RAB11FIP2: variants seen among roughly 807,000 people sequenced by gnomAD.
RAB11FIP2 encodes the protein rab11 family-interacting protein 2.
A neutral mutation model predicts 40.9 loss-of-function variants in RAB11FIP2; 16 were observed. That is an observed-to-expected ratio of 0.39 (90% CI 0.26 to 0.59). The LOEUF (loss-of-function observed/expected upper bound fraction) is 0.59. RAB11FIP2 is among the 20% of genes least tolerant of loss of function. The probability of loss-of-function intolerance (pLI) is 0.53; values close to 1 mark genes in which losing one functional copy is unlikely to be tolerated. For missense variants in RAB11FIP2, 532 were observed against 606.2 expected (o/e 0.88, Z 1.28); for synonymous variants, 228 against 213.7 (o/e 1.07, Z -0.58).
intron 1 of RAB11FIP2, among the ~76,000 whole-genome samples, chr10:118,041,380 G>A (rs1846556234): frequency 6.6e-6 from 1 of 151,874 alleles, no homozygotes; most frequent in South Asian, 2.1e-4. Context: ...TCCCTTCAAT[G>A]TATGGCACTA....
At chr10:118,035,133 AGAAG>A (rs1846465266) in intron 3 of RAB11FIP2, among the ~76,000 whole-genome samples, 1 of 152,146 alleles carries the variant, frequency 6.6e-6, no homozygotes, top group South Asian at 2.1e-4. Context: ...TGGCATCACA[AGAAG>A]GAAGAAGCCT....
intron 3 of RAB11FIP2, among the ~76,000 whole-genome samples, chr10:118,022,858 G>A (rs1037508633): frequency 3.9e-5 from 6 of 152,254 alleles, no homozygotes; most frequent in Admixed American, 3.3e-4. Flanking sequence ...AAAAACCGGG[G>A]TGAGTTGACT....
At chr10:118,025,273 T>C (rs974403591) in intron 3 of RAB11FIP2, among the ~76,000 whole-genome samples, 2 of 152,218 alleles carry the variant, frequency 1.3e-5, no homozygotes, top group Non-Finnish European at 1.5e-5. Context: ...AGTCAGCTTT[T>C]AAAAATGTTT....
In RAB11FIP2 at chr10:118,043,960, G is replaced by T. The variant is rs375060913; in HGVS notation, c.353+1851C>A. On this transcript the variant is annotated intron_variant, in intron 1 of 4. Coordinates refer to ENST00000355624, the MANE Select transcript of RAB11FIP2 (RefSeq NM_014904.3). Reference sequence around the variant, plus strand: ...GTCCCCATTTATCCACAAATAAAATGTTAAGGGTTTAGCAATATATGAAAA... The same window carrying T: ...GTCCCCATTTATCCACAAATAAAATTTTAAGGGTTTAGCAATATATGAAAA... 9.2e-5 allele frequency among the ~76,000 whole-genome samples: 14 copies of T among 152,262 alleles called. No homozygotes were observed. The South Asian group carries it at 1.5e-3, about 16-fold the overall frequency.
At chr10:118,021,651 T>C (rs558075528) in intron 3 of RAB11FIP2, among the ~76,000 whole-genome samples, 1 of 152,358 alleles carries the variant, frequency 6.6e-6, no homozygotes, top group South Asian at 2.1e-4. Flanking sequence ...ATTGCTTCTT[T>C]GACGAAGGTC....
chr10:118,015,064 C>T lies in RAB11FIP2; in HGVS notation c.1311+1G>A. 6.2e-7 allele frequency: 1 copy of T among 1,606,540 alleles called. No individual in the cohort carries two copies. Among genetic ancestry groups the T allele is most frequent in the Non-Finnish European group, 8.5e-7 (1 of 1,175,586 alleles). The stretch of plus-strand genomic sequence containing the variant: ...ACCCTCTAACCCCTTCAGCAACTTA[C>T]CGGGATTTTCCTGAGGTCTTCATTG... On this transcript the variant is annotated splice_donor_variant, in intron 4 of 4. Coordinates refer to ENST00000355624, the MANE Select transcript of RAB11FIP2 (RefSeq NM_014904.3). LOFTEE classifies it high-confidence loss of function.
At chr10:118,040,679 G>A in intron 1 of RAB11FIP2, 114 bp from the exon 2 acceptor site, 1 of 710,294 alleles carries the variant, frequency 1.4e-6, no homozygotes, top group Non-Finnish European at 2.3e-6. Context: ...GGCAACCTAA[G>A]CTCTGAATAA....
chr10:118,043,525 T>G (rs1351697192), intron 1 of RAB11FIP2: 1 of 152,142 alleles, frequency 6.6e-6, no homozygotes, highest in African/African-American at 2.4e-5. Context: ...AGACCCTTTT[T>G]CCCCATTCCT....
chr10:118,023,005 G>A (rs141106836), intron 3 of RAB11FIP2, among the ~76,000 whole-genome samples: 1 of 152,246 alleles, frequency 6.6e-6, no homozygotes, highest in Admixed American at 6.5e-5. Context: ...GTGTTTTTCA[G>A]TTCTTTTTAA....
At chr10:118,032,806 A>T (rs1846431120) in intron 3 of RAB11FIP2, among the ~76,000 whole-genome samples, 1 of 152,104 alleles carries the variant, frequency 6.6e-6, no homozygotes, top group Admixed American at 6.6e-5. Context: ...GATGTGAATC[A>T]TCCCTTTGTT....
In RAB11FIP2 at chr10:118,007,404, C is replaced by T. The variant is rs1846105352; in HGVS notation, c.*1594G>A. On this transcript the variant is annotated 3_prime_UTR_variant, in exon 5 of 5. Transcript: ENST00000355624. ...AACAAGGGGTTTTAGTTTACAAATA[C>T]GAGCTTGGCCAAGTATTCTCTGATT... The T allele has an allele frequency of 1.3e-5, 2 of 151,018 alleles. No homozygotes were observed. Among genetic ancestry groups the T allele is most frequent in the East Asian group, 3.9e-4 (2 of 5,146 alleles). 9.4% of individuals were successfully genotyped at this position (151,018 alleles called of 1,614,324 possible).
At position 118,014,790 on chromosome 10, in the gene RAB11FIP2, A is replaced by G. The variant is rs190018157; in HGVS notation, c.1311+275T>C. ...ACATACAGCTTGCATATTAATTTCA[A>G]AAGTCTGTAAACAAAATATGTATAT... On this transcript the variant is annotated intron_variant, in intron 4 of 4. Transcript: ENST00000355624. Among the ~76,000 whole-genome samples the G allele has an allele frequency of 2.2e-3, 337 of 152,306 alleles. 1 individual carries two copies. Among genetic ancestry groups the G allele is most frequent in the African/African-American group, 7.7e-3 (320 of 41,578 alleles).
intron 3 of RAB11FIP2, chr10:118,017,870 T>A (rs1846240095): frequency 2.0e-5 from 3 of 152,136 alleles, no homozygotes; most frequent in Non-Finnish European, 2.9e-5. Flanking sequence ...GACAAAGATT[T>A]TATCAAAATC....
At chr10:118,036,966 T>C (rs540710594) in intron 3 of RAB11FIP2, among the ~76,000 whole-genome samples, 8 of 152,232 alleles carry the variant, frequency 5.3e-5, no homozygotes, top group African/African-American at 1.9e-4. Flanking sequence ...AGCTTTTTTT[T>C]CCATATGCAC....
rs1241364949 is a variant in RAB11FIP2 at position 118,039,100 on chromosome 10, T to A, written c.1137A>T (p.Gly379=). Residue 379 remains glycine, a synonymous_variant, in exon 3 of 5, where the codon GGA becomes GGT. Coordinates refer to ENST00000355624, the MANE Select transcript of RAB11FIP2 (RefSeq NM_014904.3). ...ATTTCAAGTCACAAGGGCTATCAGA[T>A]CCCCCATTGTTAAGTTTATCAGATC... ...SRRSDKLNNG[G]SDSPCDLKSP... is the part of the protein sequence containing the mutation. 6.2e-7 allele frequency: 1 copy of A among 1,613,722 alleles called. No individual in the cohort carries two copies. Among genetic ancestry groups the A allele is most frequent in the Non-Finnish European group, 8.5e-7 (1 of 1,179,738 alleles).
At chr10:118,042,486 T>C (rs1846573153) in intron 1 of RAB11FIP2, among the ~76,000 whole-genome samples, 6 of 152,130 alleles carry the variant, frequency 3.9e-5, no homozygotes, top group Admixed American at 3.3e-4. Context: ...AGCTCTTTCT[T>C]ATTTGATGAA....
Position 118,024,470 on chromosome 10 carries a change from CGTGTGTGTGT to C in RAB11FIP2, c.1266-9370_1266-9361del, listed in dbSNP as rs55723398. Among the ~76,000 whole-genome samples the C allele has an allele frequency of 5.8e-3, 766 of 131,808 alleles. 7 individuals are homozygous for C. The highest frequency in any genetic ancestry group is 0.021 in the African/African-American group (719 of 34,594). The allele number at this position is 131,808 out of a possible 152,430, so 86.5% of individuals were successfully genotyped here. ...CTACGTATCCATTAGTCATCATCAT[CGTGTGTGTGT>C]GTGTGTGTGTGTGTGTGTGTGTGTG... is the stretch of plus-strand genomic sequence containing the variant. On this transcript the variant is annotated intron_variant, in intron 3 of 4. Transcript: ENST00000355624.
At chr10:118,040,081 G>C in intron 2 of RAB11FIP2, 42 bp downstream of exon 2, 1 of 1,517,056 alleles carries the variant, frequency 6.6e-7, no homozygotes, top group Non-Finnish European at 9.0e-7. Flanking sequence ...AAAACTAAAA[G>C]GGTAGTTCAG....
chr10:118,038,903 A>G, intron 3 of RAB11FIP2, 69 bp downstream of exon 3: 1 of 1,017,930 alleles, frequency 9.8e-7, no homozygotes, highest in Non-Finnish European at 1.4e-6. Flanking sequence ...TAGCATTTAA[A>G]AGAAATATTT....
Sources: allele counts gnomAD v4.1 joint callset (sites outside exome capture counted in the v4.1 genomes callset), GRCh38; gene constraint gnomAD v4.1.1; transcripts MANE v1.5; gene names NCBI Gene and HGNC (gene_info 2026-07-23, HGNC 2026-07-21).